ARID1B: variants seen among roughly 807,000 people sequenced by gnomAD.
The protein encoded by ARID1B is AT-rich interactive domain-containing protein 1B.
A neutral mutation model predicts 212.3 loss-of-function variants in ARID1B; 30 were observed. That is an observed-to-expected ratio of 0.14 (90% CI 0.11 to 0.19). The LOEUF is 0.19. Ranked by LOEUF, ARID1B falls within the 10% of genes least tolerant of loss-of-function variation. The pLI is 1.00. For synonymous variants in ARID1B, 1,402 were observed against 1,301.7 expected, an observed-to-expected ratio of 1.08 and a Z score of -1.66; for missense variants, 2,891 against 3,204.0, an observed-to-expected ratio of 0.90 and a Z score of 2.36.
intron 4 of ARID1B, among the ~76,000 whole-genome samples, chr6:157,082,101 G>A (rs1358737743): frequency 3.3e-5 from 5 of 152,122 alleles, no homozygotes; most frequent in Admixed American, 2.6e-4. Context: ...AAGATTATAT[G>A]GAGTTGTCAC....
At chr6:157,098,286 C>T (rs1785794752) in intron 5 of ARID1B, among the ~76,000 whole-genome samples, 1 of 152,146 alleles carries the variant, frequency 6.6e-6, no homozygotes, top group Admixed American at 6.5e-5. Context: ...GTCTGGTGTT[C>T]TGCCTGAGGA....
chr6:156,933,932 A>G (rs960053069), intron 3 of ARID1B, among the ~76,000 whole-genome samples: 8 of 152,220 alleles, frequency 5.3e-5, no homozygotes, highest in Non-Finnish European at 1.2e-4. Context: ...ACTTGGTGGT[A>G]CCAGCTATTG....
chr6:157,105,384 A>G (rs1786385926), intron 5 of ARID1B, among the ~76,000 whole-genome samples: 1 of 152,124 alleles, frequency 6.6e-6, no homozygotes, highest in African/African-American at 2.4e-5. Context: ...ACAACTGACA[A>G]ACTAGGAGAA....
intron 4 of ARID1B, among the ~76,000 whole-genome samples, chr6:157,050,326 A>C (rs1782514486): frequency 6.6e-6 from 1 of 152,166 alleles, no homozygotes; most frequent in African/African-American, 2.4e-5. Flanking sequence ...CGGGTGGGTC[A>C]TGAGGTCAGG....
intron 15 of ARID1B, chr6:157,195,252 T>G (rs1562340139): frequency 6.6e-6 from 1 of 152,258 alleles, no homozygotes; most frequent in Non-Finnish European, 1.5e-5. Flanking sequence ...CTGCCAGCAC[T>G]GTGAGCTCTT....
chr6:156,939,761 G>A (rs1217860255), intron 4 of ARID1B: 1 of 151,916 alleles, frequency 6.6e-6, no homozygotes, highest in African/African-American at 2.4e-5. Flanking sequence ...CATAGCTTTA[G>A]GAAAAGAAGT....
At chr6:157,110,422 A>G (rs372630836) in intron 5 of ARID1B, 50 bp from the exon 6 acceptor site, 23 of 1,550,346 alleles carry the variant, frequency 1.5e-5, no homozygotes, top group Non-Finnish European at 2.0e-5. Context: ...TGACTGCATT[A>G]TTAATGCAAA....
chr6:156,912,323 C>T (rs1789962672), intron 3 of ARID1B, among the ~76,000 whole-genome samples: 1 of 147,440 alleles, frequency 6.8e-6, no homozygotes, highest in South Asian at 2.1e-4. Context: ...CCTTACCCAA[C>T]TAAAATTCCA....
Position 156,778,801 on chromosome 6 carries a change from CCAACAGCCAGTG to C in ARID1B, c.1126_1137del (p.Ser376_Asn379del). 2.0e-6 allele frequency: 3 copies of C among 1,498,192 alleles called. No homozygotes were observed. Among genetic ancestry groups the C allele is most frequent in the Non-Finnish European group, 2.7e-6 (3 of 1,121,078 alleles). The allele number at this position is 1,498,192 out of a possible 1,614,324, so 92.8% of individuals were successfully genotyped here. ...CTGCAGAACTCCCACGAAGGGTACC[CCAACAGCCAGTG>C]CAACCATTATCCGGGCTACAGCCGG... On this transcript the variant is annotated inframe_deletion, in exon 1 of 20. Coordinates refer to ENST00000636930, the MANE Select transcript of ARID1B (RefSeq NM_001374828.1).
Position 157,110,518 on chromosome 6 carries a change from T to C in ARID1B, c.2538T>C (p.Ser846=). Residue 846 remains serine (S), a synonymous_variant, in exon 6 of 20, where the codon AGT becomes AGC. Coordinates refer to ENST00000636930, the MANE Select transcript of ARID1B (RefSeq NM_001374828.1). ...PQPPGSQSES[S]SHPALSQSPM... ...CACCCGGGAGCCAGTCAGAATCCAG[T>C]TCCCATCCCGCCTTGAGCCAGTCAC... is the stretch of plus-strand genomic sequence containing the variant. 1 of 1,614,150 alleles carries C rather than the reference T, an allele frequency of 6.2e-7. No individual in the cohort carries two copies. The highest frequency in any genetic ancestry group is 8.5e-7 in the Non-Finnish European group (1 of 1,180,012).
chr6:157,133,054 C>A lies in ARID1B; in HGVS notation c.2608C>A (p.Pro870Thr). 1.2e-6 allele frequency: 2 copies of A among 1,605,982 alleles called. No homozygotes were observed. Among genetic ancestry groups the A allele is most frequent in the African/African-American group, 2.7e-5 (2 of 74,466 alleles). The stretch of plus-strand genomic sequence containing the variant: ...TTTTATGGCAGGCACACAAAGAAAC[C>A]CTCAGATGGCTCAGTATGGACCTCA... Reference protein sequence around the residue: ...RGFMAGTQRNPQMAQYGPQQT... With the variant: ...RGFMAGTQRNTQMAQYGPQQT... Residue 870 changes from proline to threonine, a missense_variant, in exon 7 of 20, where the codon CCT becomes ACT. Transcript: ENST00000636930.
At chr6:156,932,232 T>G (rs917799787) in intron 3 of ARID1B, among the ~76,000 whole-genome samples, 1 of 152,028 alleles carries the variant, frequency 6.6e-6, no homozygotes, top group Non-Finnish European at 1.5e-5. Context: ...TTTCACACCT[T>G]TGTTTGTGAG....
intron 5 of ARID1B, among the ~76,000 whole-genome samples, chr6:157,087,990 C>G (rs11759756): frequency 1.3e-5 from 2 of 152,208 alleles, no homozygotes; most frequent in African/African-American, 4.8e-5. Flanking sequence ...AACATTTATG[C>G]TAGACCGCCT....
chr6:156,804,760 G>T (rs1251116741), intron 1 of ARID1B, among the ~76,000 whole-genome samples: 1 of 151,114 alleles, frequency 6.6e-6, no homozygotes, highest in Non-Finnish European at 1.5e-5. Context: ...ATTTGAGTGG[G>T]GACAAGCCTA....
chr6:157,208,045 T>C lies in ARID1B; in HGVS notation c.*154T>C. On this transcript the variant is annotated 3_prime_UTR_variant, in exon 20 of 20. Transcript: ENST00000636930. ...ATTTACCAATTGGGAATTAAAGAAA[T>C]AATTAATTTGAACAGTTATGAAATT... The C allele has an allele frequency of 8.9e-6, 7 of 787,906 alleles. No individual in the cohort carries two copies. The highest frequency in any genetic ancestry group is 1.3e-5 in the Non-Finnish European group (7 of 558,484). 48.8% of individuals were successfully genotyped at this position (787,906 alleles called of 1,614,324 possible).
chr6:156,842,812 T>C (rs1783987538), intron 2 of ARID1B, among the ~76,000 whole-genome samples: 2 of 152,242 alleles, frequency 1.3e-5, no homozygotes. Context: ...TCATTTCCTA[T>C]AATTCTCGCC....
At chr6:156,959,202 A>ACAGT (rs1794182792) in intron 4 of ARID1B, among the ~76,000 whole-genome samples, 1 of 152,172 alleles carries the variant, frequency 6.6e-6, no homozygotes, top group Admixed American at 6.5e-5. Context: ...AAAATTATGT[A>ACAGT]CAGTCCTCAG....
At chr6:156,971,360 T>G (rs1483002592) in intron 4 of ARID1B, among the ~76,000 whole-genome samples, 1 of 152,212 alleles carries the variant, frequency 6.6e-6, no homozygotes, top group Non-Finnish European at 1.5e-5. Flanking sequence ...CCTCAAGTTA[T>G]TTATCTTTAA....
intron 2 of ARID1B, among the ~76,000 whole-genome samples, chr6:156,890,655 C>T (rs761939839): frequency 2.0e-5 from 3 of 152,200 alleles, no homozygotes; most frequent in Non-Finnish European, 2.9e-5. Flanking sequence ...TGTGGGTGGT[C>T]AGCTAGCCCA....
Sources: allele counts gnomAD v4.1 joint callset (sites outside exome capture counted in the v4.1 genomes callset), GRCh38; gene constraint gnomAD v4.1.1; transcripts MANE v1.5; gene names NCBI Gene and HGNC (gene_info 2026-07-23, HGNC 2026-07-21).